The following ILDR2 variants were observed in gnomAD, a reference collection of about 807,000 sequenced individuals.
The protein encoded by ILDR2 is immunoglobulin-like domain-containing receptor 2.
In ILDR2, 25 loss-of-function variants were observed where a neutral mutation model predicts 66.8. The ratio of observed to expected loss-of-function variants is 0.37; its 90% CI spans 0.27 to 0.52. The LOEUF (loss-of-function observed/expected upper bound fraction) is 0.52, where lower values mean the gene tolerates loss of function less well. Ranked by LOEUF, ILDR2 falls within the 20% of genes least tolerant of loss-of-function variation. ILDR2 has a pLI of 0.88. For synonymous variants in ILDR2, 367 were observed against 357.2 expected, an observed-to-expected ratio of 1.03 and a Z score of -0.31; for missense variants, 827 against 876.8, an observed-to-expected ratio of 0.94 and a Z score of 0.72.
rs868116313 is a variant in ILDR2 at position 166,973,618 on chromosome 1, C to G, written c.46+1605G>C. Reference sequence around the variant, plus strand: ...CCTCTGACTCAGGGACCCCTCCCCCCCCCCCCCGATGCCTGGCTGACTTCA... The same window carrying G: ...CCTCTGACTCAGGGACCCCTCCCCCGCCCCCCCGATGCCTGGCTGACTTCA... On this transcript the variant is annotated intron_variant, in intron 1 of 9. Transcript: ENST00000271417. Among the ~76,000 whole-genome samples, 5 of 112,476 alleles carry G rather than the reference C, an allele frequency of 4.4e-5. 1 individual carries two copies. Among genetic ancestry groups the G allele is most frequent in the Non-Finnish European group, 7.3e-5 (4 of 54,428 alleles). The allele number at this position is 112,476 out of a possible 152,430, so 73.8% of individuals were successfully genotyped here. A position where few individuals can be genotyped will look rare whatever the true frequency, so the allele number is the denominator to read the frequency against.
intron 3 of ILDR2, among the ~76,000 whole-genome samples, chr1:166,951,761 G>A (rs1661994923): frequency 1.3e-5 from 2 of 152,146 alleles, no homozygotes; most frequent in Admixed American, 1.3e-4. Context: ...AAACCATCTT[G>A]TTTATCGTAA....
In ILDR2 at chr1:166,936,451, A is replaced by G. The variant is rs559721463; in HGVS notation, c.703+140T>C. On this transcript the variant is annotated intron_variant, in intron 5 of 9. Coordinates refer to ENST00000271417, the MANE Select transcript of ILDR2 (RefSeq NM_199351.3). The surrounding 1 kb of genome is among the most constrained non-coding windows in gnomAD (Gnocchi z 5.0). ...GTCATCCCTGAGGCCAGGGGCACCC[A>G]GCGGAGAAGAGTCTGGAATGACCAA... The G allele has an allele frequency of 4.4e-5, 57 of 1,295,490 alleles. 1 individual carries two copies. In the African/African-American group the frequency reaches 6.8e-4, roughly 15 times the overall value. The allele number at this position is 1,295,490 out of a possible 1,614,324, so 80.2% of individuals were successfully genotyped here.
chr1:166,919,416 C>T lies in ILDR2; in HGVS notation c.1885-26G>A, dbSNP rs117587596. On this transcript the variant is annotated intron_variant, in intron 9 of 9. Coordinates refer to ENST00000271417, the MANE Select transcript of ILDR2 (RefSeq NM_199351.3). ...CTAGGAAAGAGCAGAAAGAGCCCAACATTAAGCCACATGCTAGTTAAAGAA... is the reference window on the plus strand; with the variant it reads ...CTAGGAAAGAGCAGAAAGAGCCCAATATTAAGCCACATGCTAGTTAAAGAA... 48 of 1,592,198 alleles carry T rather than the reference C, an allele frequency of 3.0e-5. No individual in the cohort carries two copies. The East Asian group carries it at 8.8e-4, about 29-fold the overall frequency.
At chr1:166,898,907 G>A (rs1375747119) in intron 2 of ILDR2, among the ~76,000 whole-genome samples, 9 of 150,096 alleles carry the variant, frequency 6.0e-5, no homozygotes, top group Non-Finnish European at 8.9e-5. Context: ...AAAAAAAAAA[G>A]AAATTAGCCG....
intron 7 of ILDR2, 113 bp downstream of exon 7, chr1:166,926,954 G>C (rs1660337367): frequency 1.6e-6 from 1 of 629,570 alleles, no homozygotes; most frequent in African/African-American, 1.9e-5. Context: ...CAGCACCCCT[G>C]CTAATTCTAA....
chr1:166,965,719 C>T (rs552613274), intron 1 of ILDR2, among the ~76,000 whole-genome samples: 1 of 150,292 alleles, frequency 6.7e-6, no homozygotes, highest in African/African-American at 2.5e-5. Context: ...ACTACAGGTG[C>T]GTGCCACCAT....
intron 1 of ILDR2, among the ~76,000 whole-genome samples, chr1:166,960,271 T>C (rs1375362173): frequency 6.6e-6 from 1 of 152,180 alleles, no homozygotes; most frequent in African/African-American, 2.4e-5. Context: ...CTGTGCTCAA[T>C]AGCTACCTAC....
At position 166,915,088 on chromosome 1, in the gene ILDR2, A is replaced by G. The variant is rs1487328373; in HGVS notation, c.*4267T>C. 1 of 152,238 alleles carries G rather than the reference A, an allele frequency of 6.6e-6. No homozygotes were observed. Among genetic ancestry groups the G allele is most frequent in the African/African-American group, 2.4e-5 (1 of 41,456 alleles). 9.4% of individuals were successfully genotyped at this position (152,238 alleles called of 1,614,324 possible). A position where few individuals can be genotyped will look rare whatever the true frequency, so the allele number is the denominator to read the frequency against. On this transcript the variant is annotated 3_prime_UTR_variant, in exon 10 of 10. Transcript: ENST00000271417. ...CAAGAGAATGAGAAAATTACCTGTA[A>G]TTCTTGTTGTCTGTTCTGAGACTGT...
At chr1:166,928,309 G>A (rs985075802) in intron 6 of ILDR2, among the ~76,000 whole-genome samples, 1 of 152,206 alleles carries the variant, frequency 6.6e-6, no homozygotes, top group Non-Finnish European at 1.5e-5. Flanking sequence ...CAGTGCCAGG[G>A]CTGGAACCAT....
chr1:166,957,697 T>A, intron 2 of ILDR2, 72 bp downstream of exon 2: 1 of 1,307,990 alleles, frequency 7.6e-7, no homozygotes, highest in Admixed American at 1.9e-5. Context: ...ATCACCATAT[T>A]GACATAAGGG....
intron 7 of ILDR2, among the ~76,000 whole-genome samples, chr1:166,924,066 C>A (rs1031438884): frequency 1.3e-5 from 2 of 152,140 alleles, no homozygotes; most frequent in African/African-American, 2.4e-5. Flanking sequence ...GAGGGAGGGT[C>A]TCCCAACACA....
rs1341427422 is a variant in ILDR2, at chr1:166,914,654, A to G, written c.*4701T>C. 1.3e-5 allele frequency: 2 copies of G among 152,234 alleles called. No individual in the cohort carries two copies. Among genetic ancestry groups the G allele is most frequent in the African/African-American group, 2.4e-5 (1 of 41,468 alleles). The allele number at this position is 152,234 out of a possible 1,614,324, so 9.4% of individuals were successfully genotyped here. A position where few individuals can be genotyped will look rare whatever the true frequency, so the allele number is the denominator to read the frequency against. ...TCAGGCTGCTGCTTAAAGCATCTCA[A>G]CACTGCCCTTGCACCACTCTGATGT... On this transcript the variant is annotated 3_prime_UTR_variant, in exon 10 of 10. Transcript: ENST00000271417.
intron 7 of ILDR2, among the ~76,000 whole-genome samples, chr1:166,923,819 TA>T (rs1473223187): frequency 6.6e-6 from 1 of 152,246 alleles, no homozygotes; most frequent in Non-Finnish European, 1.5e-5. Context: ...TCATTGTACT[TA>T]AAAAATAAAT....
chr1:166,919,857 T>G (rs1659795940), intron 9 of ILDR2, among the ~76,000 whole-genome samples: 1 of 152,172 alleles, frequency 6.6e-6, no homozygotes, highest in African/African-American at 2.4e-5. Context: ...ACGTCCAGCT[T>G]GGATTCATAA....
chr1:166,959,575 A>G (rs570770433), intron 1 of ILDR2, among the ~76,000 whole-genome samples: 2 of 152,344 alleles, frequency 1.3e-5, no homozygotes, highest in South Asian at 2.1e-4. Flanking sequence ...AAAGAAGGAA[A>G]AAAAGTGGGG....
chr1:166,968,140 G>A (rs1300382121), intron 1 of ILDR2, among the ~76,000 whole-genome samples: 2 of 152,180 alleles, frequency 1.3e-5, no homozygotes, highest in Admixed American at 1.3e-4. Flanking sequence ...GCCTTCAGGA[G>A]CACAAAAGCT....
At position 166,975,347 on chromosome 1, in the gene ILDR2, G is replaced by C. The variant is rs1663531864; in HGVS notation, c.-79C>G. 10 of 1,309,110 alleles carry C rather than the reference G, an allele frequency of 7.6e-6. No individual in the cohort carries two copies. The highest frequency in any genetic ancestry group is 1.0e-5 in the Non-Finnish European group (10 of 959,228). 81.1% of individuals were successfully genotyped at this position (1,309,110 alleles called of 1,614,324 possible). On this transcript the variant is annotated 5_prime_UTR_variant, in exon 1 of 10. Coordinates refer to ENST00000271417, the MANE Select transcript of ILDR2 (RefSeq NM_199351.3). ...AACAGAAGGATCGCTGTCACCCCGC[G>C]GCAGCGGGCGGCGGCGGAGCGGCGG...
At chr1:166,934,819 G>C (rs768057338) in intron 6 of ILDR2, among the ~76,000 whole-genome samples, 52 of 152,258 alleles carry the variant, frequency 3.4e-4, no homozygotes, top group Non-Finnish European at 7.1e-4. Flanking sequence ...CCTCCTCCCT[G>C]AAGATTTTGT....
intron 3 of ILDR2, among the ~76,000 whole-genome samples, chr1:166,953,096 G>A (rs574554975): frequency 2.0e-5 from 3 of 152,236 alleles, no homozygotes; most frequent in East Asian, 3.9e-4. Flanking sequence ...TTATGTAACA[G>A]TGTCTTAATT....
Sources: gnomAD v4.1 joint callset for allele counts (sites outside exome capture counted in the v4.1 genomes callset) on GRCh38, gnomAD v4.1.1 for gene constraint, Gnocchi (gnomAD v3.1) non-coding constraint, MANE v1.5 for transcripts, NCBI Gene and HGNC (gene_info 2026-07-23, HGNC 2026-07-21) for gene names.